Variants in ADAD2 observed in about 807,000 individuals in gnomAD.
The protein encoded by ADAD2 is adenosine deaminase domain-containing protein 2.
Under a neutral mutation model 54.5 loss-of-function variants are expected in ADAD2, and 60 were observed. The observed-to-expected ratio is 1.10, with a 90% CI of 0.89 to 1.36. ADAD2 has a LOEUF of 1.36. Among genes scored for constraint, ADAD2 ranks in the 40% most tolerant of loss-of-function variants. The probability of loss-of-function intolerance (pLI) is 0.00; values close to 1 mark genes in which losing one functional copy is unlikely to be tolerated. For synonymous variants in ADAD2, 543 were observed against 366.2 expected (o/e 1.48, Z -5.51); for missense variants, 1,103 against 801.3 (o/e 1.38, Z -4.54).
intron 4 of ADAD2, 34 bp downstream of exon 4, chr16:84,195,228 G>C: frequency 6.2e-7 from 1 of 1,610,094 alleles, no homozygotes; most frequent in Non-Finnish European, 8.5e-7. Flanking sequence ...CCTGGCCCCG[G>C]CCCCCTGGGA....
Position 84,191,404 on chromosome 16 carries a change from G to T in ADAD2, c.174G>T (p.Trp58Cys), listed in dbSNP as rs569135830. The change falls in exon 1 of 10, where the codon TGG becomes TGT. Residue 58 changes from tryptophan to cysteine, a missense_variant. Physicochemically the swap from Trp to Cys is radical, Grantham distance 215 (BLOSUM62 -2). Transcript: ENST00000315906. Reference sequence around the variant, plus strand: ...CGACGTATCGCGCGGAGGGCGGGTGGCCCCAGGTCTCGGTGTTGAGGGACA... The same window carrying T: ...CGACGTATCGCGCGGAGGGCGGGTGTCCCCAGGTCTCGGTGTTGAGGGACA... The part of the protein sequence containing the change: ...APATYRAEGG[W>C]PQVSVLRDSG... 22 of 1,495,256 alleles carry T rather than the reference G, an allele frequency of 1.5e-5. No homozygotes were observed. The African/African-American group carries it at 3.0e-4, about 20-fold the overall frequency. 92.6% of individuals were successfully genotyped at this position (1,495,256 alleles called of 1,614,324 possible).
At position 84,195,192 on chromosome 16, in the gene ADAD2, G is replaced by C. The variant is rs61741260; in HGVS notation, c.731G>C (p.Arg244Thr). The part of the protein sequence containing the change: ...KGTVAGVILE[R>T]EIPRARGHVK... ...ACTGTGGCTGGAGTCATCCTGGAGAGGGGTAGGGATCGCCCCAGCCCTGGC... is the reference window on the plus strand; with the variant it reads ...ACTGTGGCTGGAGTCATCCTGGAGACGGGTAGGGATCGCCCCAGCCCTGGC... The change falls in exon 4 of 10, where the codon AGG (arginine) becomes ACG (threonine). Residue 244 changes from arginine (R) to threonine (T), a missense_variant and splice_region_variant. Arg to Thr is a moderately conservative substitution (Grantham distance 71). Transcript: ENST00000315906. 6.2e-7 allele frequency: 1 copy of C among 1,612,566 alleles called. No individual in the cohort carries two copies. Among genetic ancestry groups the C allele is most frequent in the Admixed American group, 1.7e-5 (1 of 59,968 alleles).
intron 8 of ADAD2, 112 bp from the exon 9 acceptor site, chr16:84,196,535 G>T (rs1490247311): frequency 2.6e-6 from 4 of 1,554,356 alleles, no homozygotes; most frequent in Non-Finnish European, 3.5e-6. Flanking sequence ...TGTCTGCCCT[G>T]TGAGTCCTGT....
At chr16:84,194,630 G>A in intron 2 of ADAD2, 48 bp downstream of exon 2, 6 of 1,572,554 alleles carry the variant, frequency 3.8e-6, no homozygotes, top group Admixed American at 1.9e-5. Flanking sequence ...GGGACAAGAG[G>A]ACTGAGGCTG....
Position 84,195,962 on chromosome 16 carries a change from G to A in ADAD2, c.1200G>A (p.Leu400=), listed in dbSNP as rs765521015. ...GCTGCCTGTCAGCCAGTGACAAGCT[G>A]GCACGCTGGGCCGTGCTGGGGCTGG... The part of the protein sequence containing the change: ...HVGCLSASDK[L]ARWAVLGLGG... Residue 400 remains leucine, a synonymous_variant, in exon 7 of 10, where the codon CTG becomes CTA. Coordinates refer to ENST00000315906, the MANE Select transcript of ADAD2 (RefSeq NM_001145400.2). The A allele has an allele frequency of 8.8e-6, 14 of 1,599,104 alleles. No homozygotes were observed. The East Asian group carries it at 2.9e-4, about 33-fold the overall frequency.
In ADAD2 at chr16:84,195,830, G is replaced by A. The variant is rs62049905; in HGVS notation, c.1068G>A (p.Ser356=). The change falls in exon 7 of 10, where the codon TCG becomes TCA. Residue 356 remains serine, a synonymous_variant. Coordinates refer to ENST00000315906, the MANE Select transcript of ADAD2 (RefSeq NM_001145400.2). ...AARDIYLPPT[S]EGGLPHSPPM... ...CGGCCCGCAGCCTGCCCCCCACCTC[G>A]GAAGGTGGCCTCCCGCACAGCCCAC... 520,706 of 1,603,884 alleles carry A rather than the reference G, an allele frequency of 0.32. 85,875 individuals carry two copies. The highest frequency in any genetic ancestry group is 0.46 in the Admixed American group (27,567 of 59,342).
Position 84,196,712 on chromosome 16 carries a change from C to G in ADAD2, c.1592C>G (p.Ala531Gly). The G allele has an allele frequency of 1.2e-6, 2 of 1,613,218 alleles. No individual in the cohort carries two copies. Among genetic ancestry groups the G allele is most frequent in the Non-Finnish European group, 1.7e-6 (2 of 1,179,988 alleles). The change falls in exon 9 of 10, where the codon GCC becomes GGC. Residue 531 changes from alanine (A) to glycine (G), a missense_variant. By Grantham distance (60) the Ala-to-Gly change is moderately conservative (BLOSUM62 0). Coordinates refer to ENST00000315906, the MANE Select transcript of ADAD2 (RefSeq NM_001145400.2). ...ASFLRAFHQA[A>G]RAVGKPYLLA... ...TTTCTCCGGGCCTTTCACCAGGCGG[C>G]CAGGGCTGTGGGGAAGCCCTACCTC...
chr16:84,196,977 C>G lies in ADAD2; in HGVS notation c.*3C>G, dbSNP rs751888458. 22 of 1,589,890 alleles carry G rather than the reference C, an allele frequency of 1.4e-5. No individual in the cohort carries two copies. Among genetic ancestry groups the G allele is most frequent in the Admixed American group, 9.0e-5 (5 of 55,838 alleles). Reference sequence around the variant, plus strand: ...TGGTGGGCAAATTCAGAAACTGAAGCCAGCCTCGGCGGGACCGAGGTCCCG... The same window carrying G: ...TGGTGGGCAAATTCAGAAACTGAAGGCAGCCTCGGCGGGACCGAGGTCCCG... On this transcript the variant is annotated 3_prime_UTR_variant, in exon 10 of 10. Coordinates refer to ENST00000315906, the MANE Select transcript of ADAD2 (RefSeq NM_001145400.2).
rs2089714855 is a variant in ADAD2 at position 84,195,421 on chromosome 16, G to A, written c.859G>A (p.Val287Ile). ...GQQLHDCHGLVIARRALLRFL... is the reference protein window; with the variant it reads ...GQQLHDCHGLIIARRALLRFL... ...GCAGCTCCACGACTGCCATGGCCTGGTCATCGCCCGCAGGGCCCTGCTGAG... is the reference window on the plus strand; with the variant it reads ...GCAGCTCCACGACTGCCATGGCCTGATCATCGCCCGCAGGGCCCTGCTGAG... Residue 287 changes from valine (V) to isoleucine (I), a missense_variant, in exon 5 of 10, where the codon GTC (valine) becomes ATC (isoleucine). Physicochemically the swap from Val to Ile is conservative, Grantham distance 29 (BLOSUM62 3). Coordinates refer to ENST00000315906, the MANE Select transcript of ADAD2 (RefSeq NM_001145400.2). 6.2e-7 allele frequency: 1 copy of A among 1,609,576 alleles called. No homozygotes were observed. Among genetic ancestry groups the A allele is most frequent in the Non-Finnish European group, 8.5e-7 (1 of 1,179,552 alleles).
chr16:84,191,468 G>T lies in ADAD2; in HGVS notation c.238G>T (p.Ala80Ser). Residue 80 changes from alanine (A) to serine (S), a missense_variant, in exon 1 of 10, where the codon GCA (alanine) becomes TCA (serine). Transcript: ENST00000315906. The part of the protein sequence containing the change: ...GAGAGVGELG[A>S]ARAWENLGEQ... ...AGGGGCCGGAGTCGGGGAACTGGGG[G>T]CAGCCCGGGCGTGGGAAAACTTGGG... is the stretch of plus-strand genomic sequence containing the variant. 1 of 1,533,224 alleles carries T rather than the reference G, an allele frequency of 6.5e-7. No individual in the cohort carries two copies. Among genetic ancestry groups the T allele is most frequent in the South Asian group, 1.2e-5 (1 of 83,284 alleles). The allele number at this position is 1,533,224 out of a possible 1,614,324, so 95.0% of individuals were successfully genotyped here.
intron 1 of ADAD2, among the ~76,000 whole-genome samples, chr16:84,192,032 T>G (rs1291333094): frequency 4.6e-5 from 7 of 152,220 alleles, no homozygotes; most frequent in African/African-American, 1.4e-4. Flanking sequence ...TAAAAGACAT[T>G]ATTAAGCACA....
chr16:84,193,924 C>A, intron 1 of ADAD2: 3 of 1,372,290 alleles, frequency 2.2e-6, no homozygotes, highest in Non-Finnish European at 3.0e-6. Flanking sequence ...AACCCTGCAC[C>A]TTTGACCATG....
In ADAD2 at chr16:84,196,030, C is replaced by T; in HGVS notation, c.1268C>T (p.Thr423Ile). The change falls in exon 7 of 10, where the codon ACC (threonine) becomes ATC (isoleucine). Residue 423 changes from threonine (T) to isoleucine (I), a missense_variant. Thr to Ile is a moderately conservative substitution (Grantham distance 89). Transcript: ENST00000315906. The stretch of plus-strand genomic sequence containing the variant: ...CACCTGGTGTCCCCACTCTACAGCA[C>T]CAGCCTCATCCTGGGTGAGCACGTG... ...LAHLVSPLYS[T>I]SLILADSCHD... is the part of the protein sequence containing the mutation. 6.3e-7 allele frequency: 1 copy of T among 1,599,204 alleles called. No homozygotes were observed. The highest frequency in any genetic ancestry group is 2.2e-5 in the East Asian group (1 of 44,866).
rs756899996 is a variant in ADAD2 at position 84,195,612 on chromosome 16, C to T, written c.967C>T (p.Pro323Ser). ...GTCCGTGCTGGCCCCCCAGCCAGGG[C>T]CCGGACCCCCATTCACCCTCAAGCC... is the stretch of plus-strand genomic sequence containing the variant. ...EQSVLAPQPG[P>S]GPPFTLKPRV... Residue 323 changes from proline to serine, a missense_variant, in exon 6 of 10, where the codon CCC (proline) becomes TCC (serine). Coordinates refer to ENST00000315906, the MANE Select transcript of ADAD2 (RefSeq NM_001145400.2). The T allele has an allele frequency of 1.2e-6, 2 of 1,605,218 alleles. No homozygotes were observed. Among genetic ancestry groups the T allele is most frequent in the South Asian group, 1.1e-5 (1 of 90,122 alleles).
In ADAD2 at chr16:84,191,408, C is replaced by G. The variant is rs781494473; in HGVS notation, c.178C>G (p.Gln60Glu). 2.0e-6 allele frequency: 3 copies of G among 1,494,574 alleles called. No individual in the cohort carries two copies. Among genetic ancestry groups the G allele is most frequent in the Non-Finnish European group, 2.7e-6 (3 of 1,125,692 alleles). 92.6% of individuals were successfully genotyped at this position (1,494,574 alleles called of 1,614,324 possible). Residue 60 changes from glutamine to glutamate, a missense_variant, in exon 1 of 10, where the codon CAG becomes GAG. Gln to Glu is a conservative substitution (Grantham distance 29, BLOSUM62 2). Transcript: ENST00000315906. ...GTATCGCGCGGAGGGCGGGTGGCCC[C>G]AGGTCTCGGTGTTGAGGGACAGTGG... ...ATYRAEGGWP[Q>E]VSVLRDSGPG...
At chr16:84,191,925 C>T (rs1160760239) in intron 1 of ADAD2, 2 of 567,248 alleles carry the variant, frequency 3.5e-6, no homozygotes, top group Admixed American at 3.0e-5. Context: ...GTTAAGGCCC[C>T]CTGGTATTTC....
chr16:84,191,592 C>G lies in ADAD2; in HGVS notation c.362C>G (p.Thr121Arg), dbSNP rs529653331. ...PPASQAVSLL[T>R]EYAASLGIFL... ...GCCAGCCAGGCCGTGTCCTTGCTCA[C>G]GGAGTACGCGGCCAGCCTGGGCATC... Residue 121 changes from threonine (T) to arginine (R), a missense_variant, in exon 1 of 10, where the codon ACG becomes AGG. Thr to Arg is a moderately conservative substitution (Grantham distance 71). Coordinates refer to ENST00000315906, the MANE Select transcript of ADAD2 (RefSeq NM_001145400.2). The G allele has an allele frequency of 7.7e-6, 12 of 1,550,840 alleles. No individual in the cohort carries two copies. The highest frequency in any genetic ancestry group is 9.6e-6 in the Non-Finnish European group (11 of 1,147,574).
At chr16:84,192,263 G>A (rs1042004111) in intron 1 of ADAD2, among the ~76,000 whole-genome samples, 2 of 152,164 alleles carry the variant, frequency 1.3e-5, no homozygotes, top group Admixed American at 6.5e-5. Flanking sequence ...TCCCGCCTCA[G>A]CCTCCCGAGG....
intron 1 of ADAD2, chr16:84,194,122 G>A: frequency 6.2e-7 from 1 of 1,613,998 alleles, no homozygotes; most frequent in East Asian, 2.2e-5. Context: ...GCTCTGGAGA[G>A]GGGACCTGGA....
Sources: gnomAD v4.1 joint callset for allele counts (sites outside exome capture counted in the v4.1 genomes callset) on GRCh38, gnomAD v4.1.1 for gene constraint, MANE v1.5 for transcripts, NCBI Gene and HGNC (gene_info 2026-07-23, HGNC 2026-07-21) for gene names.